TMEM150C: variants seen among roughly 807,000 people sequenced by gnomAD.
TMEM150C encodes the protein transmembrane protein 150C, also known as tentonin 3.
In TMEM150C, 10 loss-of-function variants were observed where a neutral mutation model predicts 29.9. The ratio of observed to expected loss-of-function variants is 0.33; its 90% CI spans 0.21 to 0.57. The LOEUF (loss-of-function observed/expected upper bound fraction) is 0.57. Among genes scored for constraint, TMEM150C ranks in the 20% least tolerant of loss-of-function variants. The probability of loss-of-function intolerance (pLI) is 0.88; values close to 1 mark genes in which losing one functional copy is unlikely to be tolerated. For synonymous variants in TMEM150C, 101 were observed against 112.5 expected, an observed-to-expected ratio of 0.90 and a Z score of 0.64; for missense variants, 251 against 303.6, an observed-to-expected ratio of 0.83 and a Z score of 1.29.
At chr4:82,548,321 T>C (rs1300573391) in intron 1 of TMEM150C, among the ~76,000 whole-genome samples, 7 of 152,332 alleles carry the variant, frequency 4.6e-5, no homozygotes, top group African/African-American at 1.7e-4. Context: ...ATGTACCTCC[T>C]AAACAGCTGA....
chr4:82,532,176 G>T (rs1724869587), intron 1 of TMEM150C, among the ~76,000 whole-genome samples: 1 of 152,210 alleles, frequency 6.6e-6, no homozygotes, highest in Admixed American at 6.5e-5. Context: ...GTATGAATAA[G>T]ACAAGATAAC....
In TMEM150C at chr4:82,506,084, T is replaced by G. The variant is rs770555374; in HGVS notation, c.-10-1417A>C. On this transcript the variant is annotated intron_variant, in intron 1 of 7. Transcript: ENST00000449862. ...GTTTTACAATTAAAACAAGTTGTTG[T>G]TTTTTTTTTACAATTTTTTACAATT... 1.6e-4 allele frequency among the ~76,000 whole-genome samples: 23 copies of G among 146,414 alleles called. 1 individual carries two copies. Among genetic ancestry groups the G allele is most frequent in the South Asian group, 4.3e-4 (2 of 4,628 alleles).
chr4:82,552,076 C>G (rs1002528711), intron 1 of TMEM150C, among the ~76,000 whole-genome samples: 4 of 152,092 alleles, frequency 2.6e-5, no homozygotes, highest in Non-Finnish European at 5.9e-5. Context: ...TGCCTCCTCT[C>G]TCGGCATGTG....
At chr4:82,548,239 T>C (rs1725450213) in intron 1 of TMEM150C, among the ~76,000 whole-genome samples, 1 of 152,212 alleles carries the variant, frequency 6.6e-6, no homozygotes, top group Non-Finnish European at 1.5e-5. Flanking sequence ...CTATGCTCAG[T>C]ACCTGGGTGA....
intron 1 of TMEM150C, among the ~76,000 whole-genome samples, chr4:82,518,887 G>C (rs1156859695): frequency 6.6e-6 from 1 of 152,140 alleles, no homozygotes; most frequent in African/African-American, 2.4e-5. Flanking sequence ...TTATTAGATA[G>C]CCTGTTCTCT....
At chr4:82,537,545 G>A (rs569007347) in intron 1 of TMEM150C, among the ~76,000 whole-genome samples, 4 of 152,196 alleles carry the variant, frequency 2.6e-5, no homozygotes, top group South Asian at 4.2e-4. Context: ...CACACTAAGC[G>A]TACTGGACTG....
At chr4:82,514,270 G>C (rs947644145) in intron 1 of TMEM150C, among the ~76,000 whole-genome samples, 1 of 152,232 alleles carries the variant, frequency 6.6e-6, no homozygotes, top group African/African-American at 2.4e-5. Flanking sequence ...TGGACCAGGG[G>C]CTGCTGTGTG....
intron 1 of TMEM150C, among the ~76,000 whole-genome samples, chr4:82,547,414 C>T (rs1560499408): frequency 6.6e-6 from 1 of 151,706 alleles, no homozygotes; most frequent in South Asian, 2.1e-4. Context: ...TATGGTGAAA[C>T]CCCATCTCTA....
intron 1 of TMEM150C, among the ~76,000 whole-genome samples, chr4:82,507,721 CTCTCTCTTTTTTTTTTTTTTT>C (rs1398062308): frequency 2.5e-4 from 15 of 59,984 alleles, no homozygotes; most frequent in African/African-American, 1.5e-3. Context: ...CTCTCTCTCT[CTCTCTCTTTTTTTTTTTTTTT>C]TTTTTTTTTT....
intron 1 of TMEM150C, among the ~76,000 whole-genome samples, chr4:82,511,069 A>G (rs189347380): frequency 6.6e-6 from 1 of 152,308 alleles, no homozygotes; most frequent in Admixed American, 6.5e-5. Flanking sequence ...TTGTTCTGCT[A>G]ACAAAGAAAA....
chr4:82,510,141 T>C (rs1314517027), intron 1 of TMEM150C, among the ~76,000 whole-genome samples: 1 of 151,918 alleles, frequency 6.6e-6, no homozygotes, highest in Non-Finnish European at 1.5e-5. Flanking sequence ...TAGCCGGGCA[T>C]GGTGGCACGC....
At chr4:82,492,016 A>C (rs888172723) in intron 6 of TMEM150C, among the ~76,000 whole-genome samples, 1 of 143,808 alleles carries the variant, frequency 7.0e-6, no homozygotes. Flanking sequence ...GTTCACTGCA[A>C]TCTCTGTTTC....
At chr4:82,554,398 C>T (rs1005096817) in intron 1 of TMEM150C, among the ~76,000 whole-genome samples, 2 of 152,124 alleles carry the variant, frequency 1.3e-5, no homozygotes, top group African/African-American at 2.4e-5. Context: ...ATGGTATCAA[C>T]ATTTCTTAAT....
intron 1 of TMEM150C, among the ~76,000 whole-genome samples, chr4:82,518,669 C>G (rs570636156): frequency 1.1e-4 from 16 of 152,328 alleles, no homozygotes; most frequent in African/African-American, 3.8e-4. Context: ...CATTCCTAGA[C>G]CAGCAGGCTC....
At chr4:82,503,949 T>C (rs1453784800) in intron 2 of TMEM150C, among the ~76,000 whole-genome samples, 1 of 152,114 alleles carries the variant, frequency 6.6e-6, no homozygotes, top group Non-Finnish European at 1.5e-5. Flanking sequence ...CCATGGCATG[T>C]TAGTGTCAAA....
chr4:82,517,437 C>A (rs1267809646), intron 1 of TMEM150C, among the ~76,000 whole-genome samples: 1 of 152,174 alleles, frequency 6.6e-6, no homozygotes, highest in Non-Finnish European at 1.5e-5. Context: ...GCATTTGAAT[C>A]AGTAGACTAA....
At chr4:82,518,862 G>C (rs891267364) in intron 1 of TMEM150C, among the ~76,000 whole-genome samples, 1 of 152,162 alleles carries the variant, frequency 6.6e-6, no homozygotes, top group African/African-American at 2.4e-5. Flanking sequence ...TCTTCTTTTA[G>C]AAGTAGCTCA....
At chr4:82,514,891 T>C (rs772577155) in intron 1 of TMEM150C, among the ~76,000 whole-genome samples, 8 of 152,144 alleles carry the variant, frequency 5.3e-5, no homozygotes, top group Admixed American at 2.0e-4. Context: ...TGGACTGTTA[T>C]GTGAAAAAAA....
At chr4:82,548,266 C>G (rs1005341870) in intron 1 of TMEM150C, among the ~76,000 whole-genome samples, 4 of 152,034 alleles carry the variant, frequency 2.6e-5, no homozygotes, top group Non-Finnish European at 4.4e-5. Context: ...CAATTGTATC[C>G]CAAACTTCAG....
Sources: allele counts gnomAD v4.1 joint callset (sites outside exome capture counted in the v4.1 genomes callset), GRCh38; gene constraint gnomAD v4.1.1; transcripts MANE v1.5; gene names NCBI Gene and HGNC (gene_info 2026-07-23, HGNC 2026-07-21).